Variants in PYY observed in about 807,000 individuals in gnomAD.
PYY encodes the protein peptide tyrosine tyrosine.
PYY carries 12 observed loss-of-function variants against 10.3 expected under a neutral mutation model. The observed-to-expected ratio is 1.17, with a 90% CI of 0.75 to 1.89. The LOEUF (loss-of-function observed/expected upper bound fraction) is 1.89. Ranked by LOEUF, PYY falls within the 40% of genes most tolerant of loss-of-function variation. The pLI, the probability that PYY is intolerant of heterozygous loss-of-function variation, is 0.00. For synonymous variants in PYY, 66 were observed against 62.0 expected, an observed-to-expected ratio of 1.06 and a Z score of -0.30; for missense variants, 141 against 134.0, an observed-to-expected ratio of 1.05 and a Z score of -0.26.
In PYY at chr17:43,953,471, G is replaced by T; in HGVS notation, c.13C>A (p.Arg5Ser). 4 of 1,599,078 alleles carry T rather than the reference G, an allele frequency of 2.5e-6. No individual in the cohort carries two copies. Among genetic ancestry groups the T allele is most frequent in the Non-Finnish European group, 3.4e-6 (4 of 1,171,312 alleles). The change falls in exon 2 of 4, where the codon CGC (arginine) becomes AGC (serine). Residue 5 changes from arginine (R) to serine (S), a missense_variant. Transcript: ENST00000692052. The part of the protein sequence containing the change: MVFV[R>S]RPWPALTTVL... ...GTGGTCAAGGCGGGCCACGGCCTGC[G>T]CACGAACACCATCTGGGAAGGCGAC...
At chr17:43,970,739 G>A (rs112209498) in intron 1 of PYY, among the ~76,000 whole-genome samples, 1,723 of 152,252 alleles carry the variant, frequency 0.011, 26 homozygotes, top group African/African-American at 0.039. Context: ...GTGTGGTCAG[G>A]CCTCTCAGCC....
intron 2 of PYY, among the ~76,000 whole-genome samples, chr17:43,964,667 T>C (rs2048742168): frequency 6.6e-6 from 1 of 152,072 alleles, no homozygotes; most frequent in Non-Finnish European, 1.5e-5. Flanking sequence ...GGAGAATCGC[T>C]TGAAAATTAG....
intron 1 of PYY, among the ~76,000 whole-genome samples, chr17:44,000,608 A>G (rs1413339799): frequency 1.4e-5 from 2 of 138,380 alleles, no homozygotes; most frequent in South Asian, 2.2e-4. Context: ...GCTCTGTCAC[A>G]CAGGCTGGAG....
At chr17:43,955,704 A>C (rs1052920294), upstream of PYY, among the ~76,000 whole-genome samples, 1 of 152,228 alleles carries the variant, frequency 6.6e-6, no homozygotes, top group African/African-American at 2.4e-5. Context: ...GGGGAGCCCC[A>C]GTATGAGCGG....
intron 1 of PYY, among the ~76,000 whole-genome samples, chr17:43,969,658 G>T (rs544109296): frequency 1.5e-4 from 23 of 152,070 alleles, no homozygotes; most frequent in African/African-American, 5.5e-4. Flanking sequence ...CAATGCCTTG[G>T]GAGGCTAAGT....
At chr17:44,002,087 C>T (rs565776893) in intron 1 of PYY, among the ~76,000 whole-genome samples, 22 of 152,258 alleles carry the variant, frequency 1.4e-4, no homozygotes, top group Admixed American at 7.8e-4. Flanking sequence ...AGCCCCTCCA[C>T]GCCATTGCTT....
intron 1 of PYY, among the ~76,000 whole-genome samples, chr17:43,992,410 G>A (rs772727319): frequency 2.6e-5 from 4 of 151,826 alleles, no homozygotes; most frequent in Non-Finnish European, 4.4e-5. Context: ...GTGAAACCCC[G>A]TCTCTACTAA....
chr17:43,976,095 GCATATATA>G (rs1349331858), intron 1 of PYY, among the ~76,000 whole-genome samples: 1,652 of 107,632 alleles, frequency 0.015, 145 homozygotes, highest in African/African-American at 0.057. Context: ...ACATGAATAT[GCATATATA>G]CGTGTATACA....
At chr17:43,977,040 C>A (rs1256717415) in intron 1 of PYY, among the ~76,000 whole-genome samples, 1 of 152,094 alleles carries the variant, frequency 6.6e-6, no homozygotes, top group Non-Finnish European at 1.5e-5. Context: ...TATGCTTCTC[C>A]CCAGTGTTTA....
chr17:43,970,948 G>A (rs1251440912), intron 1 of PYY, among the ~76,000 whole-genome samples: 1 of 152,082 alleles, frequency 6.6e-6, no homozygotes, highest in Non-Finnish European at 1.5e-5. Context: ...TATTAATGTG[G>A]TTTGTTTACT....
At chr17:43,989,004 T>C (rs1168233271) in intron 1 of PYY, among the ~76,000 whole-genome samples, 3 of 150,462 alleles carry the variant, frequency 2.0e-5, no homozygotes, top group Admixed American at 6.6e-5. Flanking sequence ...TCAAGTGATC[T>C]GCCCGCCTCA....
Position 43,963,570 on chromosome 17 carries a change from A to AAAAGAAAGAAAGAAAGAAAG in PYY, c.-218+2698_-218+2717dup, listed in dbSNP as rs1162426873. Among the ~76,000 whole-genome samples the AAAAGAAAGAAAGAAAGAAAG allele has an allele frequency of 2.9e-3, 299 of 104,672 alleles. 2 individuals carry two copies. Among genetic ancestry groups the AAAAGAAAGAAAGAAAGAAAG allele is most frequent in the African/African-American group, 6.5e-3 (180 of 27,680 alleles). 68.7% of individuals were successfully genotyped at this position (104,672 alleles called of 152,430 possible). ...AAGGGAAGGAAGGAAGGAAGGAAGG[A>AAAAGAAAGAAAGAAAGAAAG]AAAGAAAGAAAGAAAGAAAGAAAGA... On this transcript the variant is annotated intron_variant, in intron 2 of 6. Transcript: ENST00000360085.
chr17:43,998,204 A>G (rs1275818350), intron 1 of PYY, among the ~76,000 whole-genome samples: 2 of 150,836 alleles, frequency 1.3e-5, no homozygotes, highest in Non-Finnish European at 2.9e-5. Context: ...CTCCCAAAGT[A>G]TTGGGATTAC....
intron 1 of PYY, among the ~76,000 whole-genome samples, chr17:43,982,775 C>A (rs2048891793): frequency 6.6e-6 from 1 of 152,226 alleles, no homozygotes; most frequent in Non-Finnish European, 1.5e-5. Context: ...TGCCTGTGTT[C>A]AGTCTGTGTT....
intron 1 of PYY, among the ~76,000 whole-genome samples, chr17:43,982,453 A>G (rs1369445828): frequency 1.3e-5 from 2 of 152,274 alleles, no homozygotes; most frequent in African/African-American, 4.8e-5. Flanking sequence ...CCACTTAACT[A>G]CAGTGTGAAC....
intron 1 of PYY, among the ~76,000 whole-genome samples, chr17:43,989,178 T>G (rs182951984): frequency 5.9e-5 from 9 of 151,936 alleles, no homozygotes; most frequent in African/African-American, 1.4e-4. Flanking sequence ...ATCAAGACCA[T>G]CCTGGCTAAC....
At chr17:43,977,709 T>C (rs2048857991) in intron 1 of PYY, among the ~76,000 whole-genome samples, 1 of 151,774 alleles carries the variant, frequency 6.6e-6, no homozygotes, top group Admixed American at 6.6e-5. Context: ...GCCACAGGGG[T>C]CTTCCCACTT....
intron 2 of PYY, among the ~76,000 whole-genome samples, chr17:43,959,183 T>G (rs1344952687): frequency 3.3e-5 from 5 of 152,234 alleles, no homozygotes; most frequent in Non-Finnish European, 5.9e-5. Context: ...ATTTTGTGTT[T>G]GAAATCAAAA....
At chr17:43,996,663 G>GT (rs1049024348) in intron 1 of PYY, among the ~76,000 whole-genome samples, 4 of 151,778 alleles carry the variant, frequency 2.6e-5, no homozygotes, top group African/African-American at 9.7e-5. Context: ...TTTATGCTGG[G>GT]TTTTTTTGTT....
Sources: gnomAD v4.1 joint callset for allele counts (sites outside exome capture counted in the v4.1 genomes callset) on GRCh38, gnomAD v4.1.1 for gene constraint, MANE v1.5 for transcripts, NCBI Gene and HGNC (gene_info 2026-07-23, HGNC 2026-07-21) for gene names.